Variants in OSBPL9 observed in about 807,000 individuals in gnomAD.
OSBPL9 encodes the protein oxysterol binding protein like 9.
OSBPL9 carries 40 observed loss-of-function variants against 106.6 expected under a neutral mutation model. The ratio of observed to expected loss-of-function variants is 0.38; its 90% CI spans 0.29 to 0.49. The LOEUF (loss-of-function observed/expected upper bound fraction) is 0.49. Among genes scored for constraint, OSBPL9 ranks in the 20% least tolerant of loss-of-function variants. The pLI is 0.97. For missense variants in OSBPL9, 609 were observed against 887.2 expected, an observed-to-expected ratio of 0.69 and a Z score of 3.98; for synonymous variants, 269 against 295.4, an observed-to-expected ratio of 0.91 and a Z score of 0.92.
chr1:51,616,959 A>C (rs1320216444), upstream of OSBPL9: 1 of 1,439,302 alleles, frequency 6.9e-7, no homozygotes, highest in African/African-American at 1.4e-5. Context: ...CGCCCTAAGA[A>C]AGCGTGTTTG....
chr1:51,527,154 T>C, the OSBPL9 span, among the ~76,000 whole-genome samples: 2 of 152,144 alleles, frequency 1.3e-5, no homozygotes, highest in Non-Finnish European at 2.9e-5. Flanking sequence ...GGTCCTCCAC[T>C]TATAAGCTAC....
chr1:51,782,897 C>A (rs774605573), intron 17 of OSBPL9, among the ~76,000 whole-genome samples: 8 of 152,114 alleles, frequency 5.3e-5, no homozygotes, highest in Admixed American at 1.3e-4. Flanking sequence ...CTTCCAGAGT[C>A]ATCTTATATA....
chr1:51,519,028 G>C, the OSBPL9 span, among the ~76,000 whole-genome samples: 11 of 151,264 alleles, frequency 7.3e-5, no homozygotes, highest in Non-Finnish European at 1.0e-4. Context: ...TCCGGCTCCG[G>C]AGGGCGCCCT....
chr1:51,596,577 A>G (rs2148602771), intron 1 of OSBPL9, among the ~76,000 whole-genome samples: 1 of 146,290 alleles, frequency 6.8e-6, no homozygotes, highest in East Asian at 2.0e-4. Flanking sequence ...AAAAAAAAAA[A>G]AAGACCAGCC....
intron 1 of OSBPL9, among the ~76,000 whole-genome samples, chr1:51,584,483 G>A (rs554741312): frequency 6.6e-6 from 1 of 152,156 alleles, no homozygotes; most frequent in African/African-American, 2.4e-5. Context: ...CCAAGCTGAG[G>A]CAGGTGGATC....
At chr1:51,660,240 T>C (rs1272950982) in intron 2 of OSBPL9, among the ~76,000 whole-genome samples, 2 of 152,130 alleles carry the variant, frequency 1.3e-5, no homozygotes, top group Non-Finnish European at 2.9e-5. Context: ...ATAGGTGATA[T>C]CTTTATGATG....
At chr1:51,768,449 G>A (rs1450155128) in intron 12 of OSBPL9, among the ~76,000 whole-genome samples, 5 of 148,070 alleles carry the variant, frequency 3.4e-5, no homozygotes, top group Non-Finnish European at 7.4e-5. Context: ...CCTGACCTCA[G>A]GCTGTCCGCC....
At chr1:51,699,812 A>C (rs540702808) in intron 3 of OSBPL9, among the ~76,000 whole-genome samples, 23 of 152,302 alleles carry the variant, frequency 1.5e-4, no homozygotes, top group African/African-American at 5.3e-4. Context: ...TGTTATGTAC[A>C]TAGAGCTAAG....
the OSBPL9 span, among the ~76,000 whole-genome samples, chr1:51,552,407 T>C: frequency 1.3e-5 from 2 of 152,180 alleles, no homozygotes; most frequent in Non-Finnish European, 2.9e-5. Flanking sequence ...TATTCTCCAC[T>C]TATAGATGAA....
At chr1:51,770,246 A>C (rs1234769455) in intron 12 of OSBPL9, among the ~76,000 whole-genome samples, 1 of 151,332 alleles carries the variant, frequency 6.6e-6, no homozygotes, top group East Asian at 1.9e-4. Flanking sequence ...GGTTCAAACG[A>C]TTCTCATGTC....
chr1:51,663,313 T>TGTGC (rs1647570434), intron 2 of OSBPL9, among the ~76,000 whole-genome samples: 1 of 151,604 alleles, frequency 6.6e-6, no homozygotes, highest in Non-Finnish European at 1.5e-5. Flanking sequence ...TGTGTGTGTG[T>TGTGC]GTGTGTGTGT....
chr1:51,709,210 C>T (rs759347450), intron 3 of OSBPL9: 10 of 192,558 alleles, frequency 5.2e-5, no homozygotes, highest in African/African-American at 1.6e-4. Context: ...GTGGCGACAC[C>T]GTACAAAGGC....
intron 1 of OSBPL9, among the ~76,000 whole-genome samples, chr1:51,651,035 G>A (rs1646485990): frequency 6.6e-6 from 1 of 151,896 alleles, no homozygotes; most frequent in South Asian, 2.1e-4. Flanking sequence ...TCTTGTGGGT[G>A]AAGTAAACCA....
chr1:51,620,082 T>C (rs1644332472), intron 1 of OSBPL9, among the ~76,000 whole-genome samples: 1 of 152,212 alleles, frequency 6.6e-6, no homozygotes, highest in Admixed American at 6.5e-5. Flanking sequence ...GTTAGGATCA[T>C]TGCGATAGTT....
intron 1 of OSBPL9, among the ~76,000 whole-genome samples, chr1:51,588,488 T>C (rs1645258134): frequency 1.3e-5 from 2 of 152,112 alleles, no homozygotes; most frequent in Admixed American, 6.5e-5. Flanking sequence ...GCAAGACCCC[T>C]GTCTCTACTA....
intron 1 of OSBPL9, among the ~76,000 whole-genome samples, chr1:51,594,352 AGATCAT>A (rs2148602187): frequency 6.6e-6 from 1 of 152,336 alleles, no homozygotes; most frequent in African/African-American, 2.4e-5. Context: ...CAGTGAGCCG[AGATCAT>A]GCCATTGCAC....
intron 11 of OSBPL9, 46 bp downstream of exon 11, chr1:51,762,017 T>C: frequency 7.2e-7 from 1 of 1,394,804 alleles, no homozygotes; most frequent in Non-Finnish European, 1.0e-6. Context: ...TCTATTAACA[T>C]TTGAGGTTTG....
intron 16 of OSBPL9, among the ~76,000 whole-genome samples, chr1:51,782,086 C>A (rs572909935): frequency 2.6e-5 from 4 of 152,038 alleles, no homozygotes; most frequent in Non-Finnish European, 5.9e-5. Flanking sequence ...GGCTCTGAGG[C>A]TCCAACAAAT....
chr1:51,705,348 C>G (rs1352154151), intron 3 of OSBPL9, among the ~76,000 whole-genome samples: 1 of 128,254 alleles, frequency 7.8e-6, no homozygotes, highest in Non-Finnish European at 1.6e-5. Flanking sequence ...TTCAACCATT[C>G]TCCTCTGTAT....
Sources: gnomAD v4.1 joint callset for allele counts (sites outside exome capture counted in the v4.1 genomes callset) on GRCh38, gnomAD v4.1.1 for gene constraint, MANE v1.5 for transcripts, NCBI Gene and HGNC (gene_info 2026-07-23, HGNC 2026-07-21) for gene names.